The following ATP2B2 variants were observed in gnomAD, a reference collection of about 807,000 sequenced individuals.
ATP2B2 encodes the protein ATPase plasma membrane Ca2+ transporting 2.
Under a neutral mutation model 120.0 loss-of-function variants are expected in ATP2B2, and 15 were observed. The ratio of observed to expected loss-of-function variants is 0.12; its 90% CI spans 0.08 to 0.19. The LOEUF (loss-of-function observed/expected upper bound fraction) is 0.19. ATP2B2 is among the 10% of genes least tolerant of loss of function. The pLI is 1.00. For synonymous variants in ATP2B2, 694 were observed against 700.3 expected (o/e 0.99, Z 0.14); for missense variants, 1,045 against 1,719.8 (o/e 0.61, Z 6.94).
chr3:10,350,527 C>G lies in ATP2B2; in HGVS notation c.2187G>C (p.Met729Ile). 1.2e-6 allele frequency: 2 copies of G among 1,614,136 alleles called. No homozygotes were observed. Among genetic ancestry groups the G allele is most frequent in the South Asian group, 1.1e-5 (1 of 91,078 alleles). Residue 729 changes from methionine to isoleucine, a missense_variant, in exon 15 of 23, where the codon ATG (methionine) becomes ATC (isoleucine). Coordinates refer to ENST00000360273, the MANE Select transcript of ATP2B2 (RefSeq NM_001001331.4). ...CCGTGTTGATATTGTCGCCAGTGAC[C>G]ATGCGGACCGTGATGCCTGCCCGCT... ...KCQRAGITVR[M>I]VTGDNINTAR...
Position 10,375,167 on chromosome 3 carries a change from C to T in ATP2B2, c.1416+263G>A, listed in dbSNP as rs2061346955. Among the ~76,000 whole-genome samples, 1 of 152,220 alleles carries T rather than the reference C, an allele frequency of 6.6e-6. No homozygotes were observed. Among genetic ancestry groups the T allele is most frequent in the Non-Finnish European group, 1.5e-5 (1 of 68,040 alleles). On this transcript the variant is annotated intron_variant, in intron 11 of 22. Coordinates refer to ENST00000360273, the MANE Select transcript of ATP2B2 (RefSeq NM_001001331.4). The surrounding 1 kb of genome is among the most constrained non-coding windows in gnomAD (Gnocchi z 4.2). ...TGACAATGTGGCAATGCTGGGCCTG[C>T]ACCCCTGCAAGGCGGCGTGTGGCTG... is the stretch of plus-strand genomic sequence containing the variant.
chr3:10,340,156 C>A lies in ATP2B2; in HGVS notation c.3237+86G>T. 7.5e-7 allele frequency: 1 copy of A among 1,342,162 alleles called. No homozygotes were observed. The allele number at this position is 1,342,162 out of a possible 1,614,324, so 83.1% of individuals were successfully genotyped here. ...GGAGCTTGCCTGGGGTCTGGCAGCC[C>A]ATTCCTGGGGGTCCTGGATTCTCCA... On this transcript the variant is annotated intron_variant, in intron 21 of 22. Transcript: ENST00000360273. The surrounding 1 kb of genome is among the most constrained non-coding windows in gnomAD (Gnocchi z 5.0).
Position 10,471,364 on chromosome 3 carries a change from C to CTGAGTG in ATP2B2, c.-319-21503_-319-21502insCACTCA, listed in dbSNP as rs1221371075. On this transcript the variant is annotated intron_variant, in intron 1 of 22. Transcript: ENST00000360273. Reference sequence around the variant, plus strand: ...TGGTTTTAAAAGGGGTTCAGGAAACCTGTGTGTGTGTGTGTGTGTGTGTGT... The same window carrying CTGAGTG: ...TGGTTTTAAAAGGGGTTCAGGAAACCTGAGTGTGTGTGTGTGTGTGTGTGTGTGTGT... Among the ~76,000 whole-genome samples, 113 of 150,468 alleles carry CTGAGTG rather than the reference C, an allele frequency of 7.5e-4. 1 individual carries two copies. The highest frequency in any genetic ancestry group is 1.1e-3 in the South Asian group (5 of 4,726).
chr3:10,455,887 T>C (rs2064239274), intron 1 of ATP2B2, among the ~76,000 whole-genome samples: 1 of 152,240 alleles, frequency 6.6e-6, no homozygotes, highest in South Asian at 2.1e-4. Context: ...ATTGGATTAG[T>C]GCTCTCTGGA....
At chr3:10,665,205 G>T (rs373514006) in intron 1 of ATP2B2, among the ~76,000 whole-genome samples, 1 of 152,192 alleles carries the variant, frequency 6.6e-6, no homozygotes, top group South Asian at 2.1e-4. Context: ...TACAGCTCCT[G>T]CCTGGCACCC....
intron 5 of ATP2B2, among the ~76,000 whole-genome samples, chr3:10,390,635 C>T (rs938338285): frequency 1.3e-5 from 2 of 152,186 alleles, no homozygotes; most frequent in African/African-American, 4.8e-5. Context: ...ATGCCAGCCT[C>T]TCCCTGCACA....
At chr3:10,620,576 C>T (rs1371786820) in intron 1 of ATP2B2, among the ~76,000 whole-genome samples, 1 of 152,102 alleles carries the variant, frequency 6.6e-6, no homozygotes, top group African/African-American at 2.4e-5. Context: ...CTTTCCCGCA[C>T]CCCTAGTCCC....
At chr3:10,570,841 G>C (rs759850739) in intron 2 of ATP2B2, among the ~76,000 whole-genome samples, 9 of 152,212 alleles carry the variant, frequency 5.9e-5, no homozygotes, top group Non-Finnish European at 7.3e-5. Flanking sequence ...TACTGACCAA[G>C]GCCTGAAAGG....
intron 1 of ATP2B2, among the ~76,000 whole-genome samples, chr3:10,622,119 AG>A (rs774949654): frequency 2.2e-4 from 33 of 152,132 alleles, no homozygotes; most frequent in African/African-American, 6.5e-4. Flanking sequence ...GCCGTGCTCC[AG>A]GGGCCCCCCT....
At chr3:10,333,771 G>C (rs2060043947) in intron 22 of ATP2B2, among the ~76,000 whole-genome samples, 1 of 152,188 alleles carries the variant, frequency 6.6e-6, no homozygotes, top group African/African-American at 2.4e-5. Context: ...AGGGTGGGGA[G>C]GCCCTGGCCA....
chr3:10,586,169 T>G (rs189133113), intron 2 of ATP2B2, among the ~76,000 whole-genome samples: 1 of 152,334 alleles, frequency 6.6e-6, no homozygotes, highest in East Asian at 1.9e-4. Context: ...TTTTACCCAG[T>G]TATGTCCTTG....
At chr3:10,572,953 G>A (rs2068159965) in intron 2 of ATP2B2, among the ~76,000 whole-genome samples, 1 of 152,148 alleles carries the variant, frequency 6.6e-6, no homozygotes, top group Non-Finnish European at 1.5e-5. Context: ...AACACAATAA[G>A]GCTTCATCTA....
intron 1 of ATP2B2, among the ~76,000 whole-genome samples, chr3:10,499,427 A>G (rs1319472200): frequency 6.6e-6 from 1 of 152,246 alleles, no homozygotes; most frequent in African/African-American, 2.4e-5. Flanking sequence ...CCGAACGCAC[A>G]TGACTGAATA....
intron 2 of ATP2B2, among the ~76,000 whole-genome samples, chr3:10,554,730 A>G (rs2067742741): frequency 6.6e-6 from 1 of 152,236 alleles, no homozygotes; most frequent in Non-Finnish European, 1.5e-5. Context: ...CACCACACTT[A>G]GAAATCTGCA....
rs538934100 is a variant in ATP2B2, at chr3:10,464,602, G to A, written c.-319-14740C>T. 2.0e-5 allele frequency among the ~76,000 whole-genome samples: 3 copies of A among 152,252 alleles called. No homozygotes were observed. The East Asian group carries it at 5.8e-4, about 29-fold the overall frequency. On this transcript the variant is annotated intron_variant, in intron 1 of 22. Coordinates refer to ENST00000360273, the MANE Select transcript of ATP2B2 (RefSeq NM_001001331.4). ...AGGGTCCCTAGATCTGCAACCCCCAGTGCAGTCTCCTCCTGGGAACTTCCT... is the reference window on the plus strand; with the variant it reads ...AGGGTCCCTAGATCTGCAACCCCCAATGCAGTCTCCTCCTGGGAACTTCCT...
At chr3:10,454,236 C>A (rs750920761) in intron 1 of ATP2B2, among the ~76,000 whole-genome samples, 4 of 152,330 alleles carry the variant, frequency 2.6e-5, no homozygotes, top group Non-Finnish European at 5.9e-5. Flanking sequence ...CCCCCAGGTG[C>A]TGTGGACACA....
chr3:10,367,793 G>A (rs939613878), intron 12 of ATP2B2, among the ~76,000 whole-genome samples: 30 of 152,208 alleles, frequency 2.0e-4, no homozygotes, highest in African/African-American at 5.8e-4. Context: ...TTGGGGTGTG[G>A]TGTCACCCAC....
At chr3:10,400,816 C>T (rs1023282856) in intron 5 of ATP2B2, 137 bp downstream of exon 5, 51 of 1,352,162 alleles carry the variant, frequency 3.8e-5, no homozygotes, top group Middle Eastern at 2.4e-4. Flanking sequence ...AGGGAGTTCT[C>T]ACTTGGGGCT....
chr3:10,332,470 T>C, intron 22 of ATP2B2: 1 of 181,024 alleles, frequency 5.5e-6, no homozygotes, highest in African/African-American at 2.3e-5. Context: ...CTGTGCGGCT[T>C]TGCCTTGGAT....
Sources: gnomAD v4.1 joint callset for allele counts (sites outside exome capture counted in the v4.1 genomes callset) on GRCh38, gnomAD v4.1.1 for gene constraint, Gnocchi (gnomAD v3.1) non-coding constraint, MANE v1.5 for transcripts, NCBI Gene and HGNC (gene_info 2026-07-23, HGNC 2026-07-21) for gene names.